BMAL2: variants seen among roughly 807,000 people sequenced by gnomAD.
The protein encoded by BMAL2 is basic helix-loop-helix ARNT-like protein 2.
chr12:27,418,471 G>A, the BMAL2 span, among the ~76,000 whole-genome samples: 1 of 151,852 alleles, frequency 6.6e-6, no homozygotes, highest in South Asian at 2.1e-4. Context: ...TAGGCATGAT[G>A]GCTCATGTCT....
chr12:27,391,369 A>G, the BMAL2 span, among the ~76,000 whole-genome samples: 22,903 of 152,160 alleles, frequency 0.15, 2,083 homozygotes, highest in African/African-American at 0.25. Context: ...AAAGGACATG[A>G]TTTCATTCTT....
the BMAL2 span, among the ~76,000 whole-genome samples, chr12:27,345,922 G>C: frequency 6.6e-6 from 1 of 152,128 alleles, no homozygotes; most frequent in Non-Finnish European, 1.5e-5. Context: ...TTAAGAGCAA[G>C]ACTAGTTTAT....
chr12:27,402,209 C>G, the BMAL2 span, among the ~76,000 whole-genome samples: 1 of 151,894 alleles, frequency 6.6e-6, no homozygotes, highest in African/African-American at 2.4e-5. Context: ...CGTTGTAAGT[C>G]TTACTTTTTT....
the BMAL2 span, among the ~76,000 whole-genome samples, chr12:27,365,318 A>G: frequency 2.0e-5 from 3 of 152,074 alleles, no homozygotes; most frequent in Non-Finnish European, 4.4e-5. Flanking sequence ...CTGCATCCCT[A>G]GGATGAAACT....
chr12:27,406,399 C>T, the BMAL2 span, among the ~76,000 whole-genome samples: 1 of 152,218 alleles, frequency 6.6e-6, no homozygotes, highest in Admixed American at 6.5e-5. Flanking sequence ...GATCTCTCAG[C>T]AGAAACTCTA....
At chr12:27,338,001 A>T in the BMAL2 span, among the ~76,000 whole-genome samples, 1 of 152,050 alleles carries the variant, frequency 6.6e-6, no homozygotes, top group African/African-American at 2.4e-5. Context: ...GCCACAAGTT[A>T]TTTGGTTTCT....
chr12:27,341,637 A>G, the BMAL2 span, among the ~76,000 whole-genome samples: 1 of 152,236 alleles, frequency 6.6e-6, no homozygotes, highest in Non-Finnish European at 1.5e-5. Flanking sequence ...TTTATTCGGC[A>G]TAATGACCTA....
chr12:27,375,717 G>A, the BMAL2 span, among the ~76,000 whole-genome samples: 1 of 152,188 alleles, frequency 6.6e-6, no homozygotes, highest in Non-Finnish European at 1.5e-5. Flanking sequence ...ATTTTTAAAA[G>A]CTATGCAGCC....
chr12:27,376,469 C>G, the BMAL2 span: 122 of 1,285,326 alleles, frequency 9.5e-5, 1 homozygote, highest in African/African-American at 1.6e-3. Context: ...AAAGGTGACA[C>G]CAAGGTAGAA....
At chr12:27,406,533 C>G in the BMAL2 span, among the ~76,000 whole-genome samples, 1 of 152,158 alleles carries the variant, frequency 6.6e-6, no homozygotes, top group Admixed American at 6.5e-5. Flanking sequence ...ACTTTACAGA[C>G]AAGCAAATGC....
At chr12:27,364,560 T>C in the BMAL2 span, among the ~76,000 whole-genome samples, 2 of 152,174 alleles carry the variant, frequency 1.3e-5, no homozygotes, top group African/African-American at 4.8e-5. Flanking sequence ...ACTGTCTTAA[T>C]TACTGTGTCT....
At chr12:27,357,122 A>G in the BMAL2 span, among the ~76,000 whole-genome samples, 29 of 152,132 alleles carry the variant, frequency 1.9e-4, no homozygotes, top group Admixed American at 6.5e-5. Flanking sequence ...TGTATTTTAT[A>G]TATATCACAA....
chr12:27,411,226 C>T, the BMAL2 span, among the ~76,000 whole-genome samples: 1 of 152,060 alleles, frequency 6.6e-6, no homozygotes, highest in South Asian at 2.1e-4. Context: ...AACCCATGCT[C>T]AAGCGATCCT....
At chr12:27,337,600 G>A in the BMAL2 span, among the ~76,000 whole-genome samples, 2 of 130,472 alleles carry the variant, frequency 1.5e-5, no homozygotes, top group Non-Finnish European at 3.5e-5. Context: ...AAGGCTGAGC[G>A]CAGATGTCAC....
the BMAL2 span, among the ~76,000 whole-genome samples, chr12:27,335,788 G>A: frequency 6.6e-6 from 1 of 151,902 alleles, no homozygotes; most frequent in Non-Finnish European, 1.5e-5. Flanking sequence ...GGGAAAGGAG[G>A]AGGAAGGAGA....
chr12:27,362,369 A>G, the BMAL2 span, among the ~76,000 whole-genome samples: 1 of 152,194 alleles, frequency 6.6e-6, no homozygotes, highest in African/African-American at 2.4e-5. Context: ...GATGTTGTAG[A>G]CTGGAAACTT....
the BMAL2 span, among the ~76,000 whole-genome samples, chr12:27,420,021 A>ACACACACG: frequency 8.2e-6 from 1 of 121,672 alleles, no homozygotes; most frequent in South Asian, 2.6e-4. Flanking sequence ...TTGCGCGTGC[A>ACACACACG]CACACACACA....
At chr12:27,411,133 T>A in the BMAL2 span, among the ~76,000 whole-genome samples, 10 of 152,142 alleles carry the variant, frequency 6.6e-5, no homozygotes, top group South Asian at 2.1e-4. Context: ...TGTGTTTTTT[T>A]AAATTTTCTT....
At chr12:27,350,918 G>C in the BMAL2 span, among the ~76,000 whole-genome samples, 4 of 150,880 alleles carry the variant, frequency 2.7e-5, no homozygotes, top group Non-Finnish European at 5.9e-5. Flanking sequence ...GACCTAAGGT[G>C]ATCCGCCTGC....
Sources: gnomAD v4.1 joint callset for allele counts (sites outside exome capture counted in the v4.1 genomes callset) on GRCh38, gnomAD v4.1.1 for gene constraint, MANE v1.5 for transcripts, NCBI Gene and HGNC (gene_info 2026-07-23, HGNC 2026-07-21) for gene names.